EIF4G3: variants seen among roughly 807,000 people sequenced by gnomAD.
EIF4G3 encodes eukaryotic translation initiation factor 4 gamma 3.
In EIF4G3, 34 loss-of-function variants were observed where a neutral mutation model predicts 186.4. The observed-to-expected ratio is 0.18, with a 90% CI of 0.14 to 0.24. The LOEUF is 0.24. Among genes scored for constraint, EIF4G3 ranks in the 10% least tolerant of loss-of-function variants. The pLI is 1.00. For missense variants in EIF4G3, 1,536 were observed against 1,948.5 expected (o/e 0.79, Z 3.99); for synonymous variants, 673 against 679.5 (o/e 0.99, Z 0.15).
In EIF4G3 at chr1:21,105,032, A is replaced by G. The variant is rs140338889; in HGVS notation, c.-271-15819T>C. 4.3e-3 allele frequency among the ~76,000 whole-genome samples: 654 copies of G among 152,354 alleles called. 1 individual carries two copies. Among genetic ancestry groups the G allele is most frequent in the Non-Finnish European group, 7.3e-3 (497 of 68,036 alleles). On this transcript the variant is annotated intron_variant, in intron 2 of 36. Coordinates refer to ENST00000602326, the MANE Select transcript of EIF4G3 (RefSeq NM_001391906.1). ...TACGCATTGACACAAAGAAGGGAAC[A>G]ATAGACAGCAAGGTCTACTTGAGGG...
At chr1:20,975,616 T>C (rs2076704727) in intron 10 of EIF4G3, among the ~76,000 whole-genome samples, 2 of 149,350 alleles carry the variant, frequency 1.3e-5, no homozygotes, top group Non-Finnish European at 3.0e-5. Flanking sequence ...ACTACTAATA[T>C]AATAGTATAT....
chr1:20,943,474 T>A (rs772903859), intron 13 of EIF4G3, among the ~76,000 whole-genome samples: 3 of 152,236 alleles, frequency 2.0e-5, no homozygotes, highest in African/African-American at 7.2e-5. Context: ...TAAATTGATA[T>A]GTGATTCATC....
At chr1:21,070,706 A>C (rs2095417203) in intron 3 of EIF4G3, among the ~76,000 whole-genome samples, 1 of 152,252 alleles carries the variant, frequency 6.6e-6, no homozygotes, top group Non-Finnish European at 1.5e-5. Context: ...TAAGTTTCAG[A>C]TATGTCAATT....
intron 7 of EIF4G3, among the ~76,000 whole-genome samples, chr1:20,984,057 C>G (rs1394761566): frequency 6.6e-6 from 1 of 152,138 alleles, no homozygotes; most frequent in Non-Finnish European, 1.5e-5. Context: ...AACTAATTTC[C>G]TCAGTAACTT....
rs1162244821 is a variant in EIF4G3 at position 20,972,891 on chromosome 1, A to T, written c.591+111T>A. ...GTGACTATAAGGGAAGAATAAAAAA[A>T]AAAAAGGCACAGTAATTTGTGAATT... On this transcript the variant is annotated intron_variant, in intron 11 of 36. Coordinates refer to ENST00000602326, the MANE Select transcript of EIF4G3 (RefSeq NM_001391906.1). 4 of 875,670 alleles carry T rather than the reference A, an allele frequency of 4.6e-6. No homozygotes were observed. The East Asian group carries it at 8.4e-5, about 18-fold the overall frequency. The allele number at this position is 875,670 out of a possible 1,614,324, so 54.2% of individuals were successfully genotyped here.
At chr1:20,961,669 A>T (rs531546984) in intron 12 of EIF4G3, among the ~76,000 whole-genome samples, 1 of 152,278 alleles carries the variant, frequency 6.6e-6, no homozygotes, top group South Asian at 2.1e-4. Context: ...CAAAGCAAGG[A>T]TCTCTGCTCA....
chr1:20,872,332 C>T (rs1160903543), intron 20 of EIF4G3, among the ~76,000 whole-genome samples: 1 of 151,908 alleles, frequency 6.6e-6, no homozygotes, highest in Non-Finnish European at 1.5e-5. Flanking sequence ...CACTATGTTG[C>T]CCAGACTGGT....
intron 25 of EIF4G3, among the ~76,000 whole-genome samples, chr1:20,857,196 G>A (rs1195696895): frequency 8.1e-6 from 1 of 122,958 alleles, no homozygotes; most frequent in East Asian, 2.3e-4. Flanking sequence ...GTAGAAATGA[G>A]TTTGTAGAAT....
intron 23 of EIF4G3, 65 bp from the exon 24 acceptor site, chr1:20,860,582 A>G: frequency 6.4e-7 from 1 of 1,552,424 alleles, no homozygotes; most frequent in Non-Finnish European, 8.7e-7. Context: ...TTTAAAAATT[A>G]GCAATTTTTA....
chr1:21,051,211 C>A (rs2094195218), intron 3 of EIF4G3, among the ~76,000 whole-genome samples: 1 of 152,160 alleles, frequency 6.6e-6, no homozygotes, highest in Non-Finnish European at 1.5e-5. Context: ...ATAAAAGATT[C>A]TTGAAGCATG....
At chr1:21,053,750 C>A (rs1243118975) in intron 3 of EIF4G3, among the ~76,000 whole-genome samples, 1 of 149,012 alleles carries the variant, frequency 6.7e-6, no homozygotes, top group Admixed American at 6.6e-5. Context: ...GGCCAGCCGC[C>A]CCATCCGGGA....
At chr1:21,035,493 C>T (rs2093114719) in intron 4 of EIF4G3, among the ~76,000 whole-genome samples, 1 of 152,204 alleles carries the variant, frequency 6.6e-6, no homozygotes, top group African/African-American at 2.4e-5. Context: ...CCTGGCCTCT[C>T]CCCACTCCCA....
intron 33 of EIF4G3, among the ~76,000 whole-genome samples, chr1:20,823,874 C>A (rs949624130): frequency 1.3e-4 from 19 of 151,990 alleles, no homozygotes; most frequent in Non-Finnish European, 1.9e-4. Flanking sequence ...AAATGAACAC[C>A]AAGTGTCAAC....
At chr1:21,152,821 C>A (rs1183655227) in intron 2 of EIF4G3, among the ~76,000 whole-genome samples, 2 of 152,072 alleles carry the variant, frequency 1.3e-5, no homozygotes, top group Non-Finnish European at 2.9e-5. Context: ...AAATCACACA[C>A]AGGTAAAAGA....
intron 7 of EIF4G3, among the ~76,000 whole-genome samples, chr1:20,989,051 AGGAGAGGAGG>A (rs1558588824): frequency 1.6e-4 from 1 of 6,420 alleles, no homozygotes; most frequent in African/African-American, 6.7e-4. Flanking sequence ...AAGAGAGGAG[AGGAGAGGAGG>A]GGAGGGGAGG....
In EIF4G3 at chr1:20,881,002, A is replaced by AC. The variant is rs1450682291; in HGVS notation, c.2425-1483_2425-1482insG. ...AAATTTATATGAACACACACACACAAATACAAAACCCTAGAAGAGCCTAAA... is the reference window on the plus strand; with the variant it reads ...AAATTTATATGAACACACACACACAACATACAAAACCCTAGAAGAGCCTAAA... On this transcript the variant is annotated intron_variant, in intron 19 of 36. Coordinates refer to ENST00000602326, the MANE Select transcript of EIF4G3 (RefSeq NM_001391906.1). 1.5e-3 allele frequency among the ~76,000 whole-genome samples: 227 copies of AC among 151,734 alleles called. 2 individuals are homozygous for AC. The highest frequency in any genetic ancestry group is 3.4e-3 in the Middle Eastern group (1 of 292).
intron 35 of EIF4G3, among the ~76,000 whole-genome samples, 184 bp from the exon 36 acceptor site, chr1:20,811,068 G>A (rs2059141065): frequency 6.6e-6 from 1 of 152,040 alleles, no homozygotes; most frequent in African/African-American, 2.4e-5. Flanking sequence ...TCCTGTCTCA[G>A]CCTCCCAAGT....
intron 3 of EIF4G3, among the ~76,000 whole-genome samples, chr1:21,080,701 G>A (rs781074122): frequency 2.0e-5 from 3 of 151,940 alleles, no homozygotes; most frequent in Non-Finnish European, 4.4e-5. Flanking sequence ...GTAGAGATAG[G>A]GTTTCACCAT....
At position 20,904,902 on chromosome 1, in the gene EIF4G3, A is replaced by T. The variant is rs779188560; in HGVS notation, c.1733T>A (p.Met578Lys). The change falls in exon 15 of 37, where the codon ATG (methionine) becomes AAG (lysine). Residue 578 changes from methionine (M) to lysine (K), a missense_variant. Around this residue, in one of 11 missense-constraint regions of EIF4G3, gnomAD observed 560 missense variants for 547.8 expected, o/e 1.02. Coordinates refer to ENST00000602326, the MANE Select transcript of EIF4G3 (RefSeq NM_001391906.1). ...GCTTACCTCCAATTCTGCCTCTAAC[A>T]TCTCTTCAGTGGTTCGGGTCCGATC... ...PKDRTRTTEE[M>K]LEAELELKAE... is the part of the protein sequence containing the mutation. The T allele has an allele frequency of 6.2e-7, 1 of 1,613,738 alleles. No individual in the cohort carries two copies. The highest frequency in any genetic ancestry group is 2.2e-5 in the East Asian group (1 of 44,858).
Sources: gnomAD v4.1 joint callset for allele counts (sites outside exome capture counted in the v4.1 genomes callset) on GRCh38, gnomAD v4.1.1 for gene constraint, gnomAD v4.1.1 regional missense constraint, MANE v1.5 for transcripts, NCBI Gene and HGNC (gene_info 2026-07-23, HGNC 2026-07-21) for gene names.